Variants in HMCES observed in about 807,000 individuals in gnomAD.
The protein encoded by HMCES is abasic site processing protein HMCES.
HMCES carries 27 observed loss-of-function variants against 35.1 expected under a neutral mutation model. The ratio of observed to expected loss-of-function variants is 0.77; its 90% confidence interval spans 0.57 to 1.06. The LOEUF is 1.06. Ranked by LOEUF, HMCES falls within the 50% of genes least tolerant of loss-of-function variation. HMCES has a pLI of 0.00. For synonymous variants in HMCES, 130 were observed against 154.7 expected (o/e 0.84, Z 1.18); for missense variants, 391 against 430.4 (o/e 0.91, Z 0.81).
At position 129,304,961 on chromosome 3, in the gene HMCES, T is replaced by A. The variant is rs2071217616; in HGVS notation, c.*136T>A. The A allele has an allele frequency of 1.4e-6, 1 of 707,026 alleles. No homozygotes were observed. Among genetic ancestry groups the A allele is most frequent in the South Asian group, 1.8e-5 (1 of 54,200 alleles). The allele number at this position is 707,026 out of a possible 1,614,324, so 43.8% of individuals were successfully genotyped here. On this transcript the variant is annotated 3_prime_UTR_variant, in exon 7 of 7. Coordinates refer to ENST00000383463, the MANE Select transcript of HMCES (RefSeq NM_020187.3). ...AGTTGACAGTTGTGGGCTCATGTAG[T>A]CTTTTTTGCCATGAGTAGGAGCCCC...
At chr3:129,301,182 ACT>A (rs1256169170) in intron 5 of HMCES, among the ~76,000 whole-genome samples, 3 of 126,638 alleles carry the variant, frequency 2.4e-5, no homozygotes, top group Admixed American at 1.8e-4. Flanking sequence ...ACACAGCAAG[ACT>A]CTGTCTCAAA....
chr3:129,295,621 T>G (rs1339839493), intron 4 of HMCES, among the ~76,000 whole-genome samples: 1 of 152,152 alleles, frequency 6.6e-6, no homozygotes, highest in East Asian at 1.9e-4. Context: ...GTCAGTGGTG[T>G]TTTGTTTTCT....
Position 129,302,133 on chromosome 3 carries a change from G to C in HMCES, c.819G>C (p.Val273=). 2 of 1,609,760 alleles carry C rather than the reference G, an allele frequency of 1.2e-6. No homozygotes were observed. The highest frequency in any genetic ancestry group is 1.7e-6 in the Non-Finnish European group (2 of 1,178,650). ...AGTGTCTGGCTCCTGTCGACTTGGT[G>C]GTCAAAAAGGTAGGGGCCTGTGACT... ...TPECLAPVDL[V]VKKELRASGS... The change falls in exon 6 of 7, where the codon GTG becomes GTC. Residue 273 remains valine (V), a synonymous_variant. Transcript: ENST00000383463.
chr3:129,302,674 G>A (rs1323460785), intron 6 of HMCES, among the ~76,000 whole-genome samples: 2 of 151,910 alleles, frequency 1.3e-5, no homozygotes, highest in Admixed American at 1.3e-4. Flanking sequence ...CCTAGATTGG[G>A]CCACTGCACT....
At chr3:129,299,870 C>T (rs1423351939) in intron 5 of HMCES, among the ~76,000 whole-genome samples, 1 of 151,722 alleles carries the variant, frequency 6.6e-6, no homozygotes, top group African/African-American at 2.4e-5. Flanking sequence ...ACCTTGTGAT[C>T]CACCTGCCTC....
intron 2 of HMCES, among the ~76,000 whole-genome samples, chr3:129,284,427 C>CT (rs1208221054): frequency 3.9e-5 from 6 of 152,158 alleles, no homozygotes; most frequent in Non-Finnish European, 8.8e-5. Context: ...AATTAGATGT[C>CT]TTTAAACAGA....
Position 129,302,057 on chromosome 3 carries a change from C to T in HMCES, c.743C>T (p.Thr248Ile). The stretch of plus-strand genomic sequence containing the variant: ...TTAATCCACCCAACAGAGAACATCA[C>T]CTTCCATGCAGTCTCTTCTGTGGTG... ...LKLIHPTENI[T>I]FHAVSSVVNN... Residue 248 changes from threonine to isoleucine, a missense_variant, in exon 6 of 7, where the codon ACC becomes ATC. Coordinates refer to ENST00000383463, the MANE Select transcript of HMCES (RefSeq NM_020187.3). The T allele has an allele frequency of 6.2e-7, 1 of 1,614,190 alleles. No individual in the cohort carries two copies. Among genetic ancestry groups the T allele is most frequent in the Non-Finnish European group, 8.5e-7 (1 of 1,180,010 alleles).
chr3:129,284,694 C>G (rs144805348), intron 2 of HMCES, among the ~76,000 whole-genome samples: 59 of 152,314 alleles, frequency 3.9e-4, no homozygotes, highest in East Asian at 2.9e-3. Context: ...AGGCGGATCA[C>G]TTGAGGTCAG....
intron 2 of HMCES, among the ~76,000 whole-genome samples, chr3:129,282,523 C>T (rs1348188797): frequency 6.6e-6 from 1 of 152,168 alleles, no homozygotes; most frequent in Non-Finnish European, 1.5e-5. Flanking sequence ...GGTGGAGCCA[C>T]TAGCAAATAC....
chr3:129,284,908 T>G (rs954239275), intron 2 of HMCES, among the ~76,000 whole-genome samples: 9 of 152,192 alleles, frequency 5.9e-5, no homozygotes, highest in African/African-American at 2.2e-4. Flanking sequence ...CGAGACTCCA[T>G]CTCAAGAAAA....
rs1347273197 is a variant in HMCES, at chr3:129,300,811, A to G, written c.636-1139A>G. On this transcript the variant is annotated intron_variant, in intron 5 of 6. Coordinates refer to ENST00000383463, the MANE Select transcript of HMCES (RefSeq NM_020187.3). ...TTTGGGAGGCTGAGGCGGGTGGATC[A>G]TGAGGTCAGGAGATCGAGACCATCC... 6.6e-5 allele frequency among the ~76,000 whole-genome samples: 10 copies of G among 152,038 alleles called. 1 individual carries two copies. Among genetic ancestry groups the G allele is most frequent in the Non-Finnish European group, 1.0e-4 (7 of 67,994 alleles).
intron 5 of HMCES, among the ~76,000 whole-genome samples, chr3:129,301,116 CG>C (rs1218497091): frequency 7.1e-6 from 1 of 140,682 alleles, no homozygotes; most frequent in Admixed American, 7.8e-5. Context: ...GGCATGAACC[CG>C]GGGGGTGGAG....
chr3:129,285,456 T>C (rs1940609272), intron 2 of HMCES, among the ~76,000 whole-genome samples: 1 of 142,960 alleles, frequency 7.0e-6, no homozygotes, highest in Non-Finnish European at 1.5e-5. Flanking sequence ...AGAGAAAGGA[T>C]TTTTTTTTTT....
At chr3:129,297,255 C>T (rs2071104561) in intron 4 of HMCES, among the ~76,000 whole-genome samples, 2 of 151,962 alleles carry the variant, frequency 1.3e-5, no homozygotes, top group South Asian at 2.1e-4. Context: ...GTCGGCTAAA[C>T]GGGTGGAGGC....
In HMCES at chr3:129,306,185, A is replaced by C. The variant is rs928311814; in HGVS notation, c.*1360A>C. The C allele has an allele frequency of 6.6e-6, 1 of 152,258 alleles. No homozygotes were observed. Among genetic ancestry groups the C allele is most frequent in the African/African-American group, 2.4e-5 (1 of 41,472 alleles). 9.4% of individuals were successfully genotyped at this position (152,258 alleles called of 1,614,324 possible). On this transcript the variant is annotated 3_prime_UTR_variant, in exon 7 of 7. Coordinates refer to ENST00000383463, the MANE Select transcript of HMCES (RefSeq NM_020187.3). The stretch of plus-strand genomic sequence containing the variant: ...CCAGGTTAATAAATGACAAAAATGA[A>C]ATTCCCTTTGTTTTTCATTATCATC...
intron 5 of HMCES, 42 bp downstream of exon 5, chr3:129,298,577 A>G (rs1454885791): frequency 1.3e-6 from 2 of 1,557,118 alleles, no homozygotes; most frequent in East Asian, 2.3e-5. Context: ...AGGATCCAAA[A>G]GATGATTTGT....
chr3:129,298,390 T>C lies in HMCES; in HGVS notation c.490T>C (p.Trp164Arg), dbSNP rs372493925. 3.3e-5 allele frequency: 53 copies of C among 1,614,186 alleles called. No homozygotes were observed. In the African/African-American group the frequency reaches 6.4e-4, roughly 19 times the overall value. Residue 164 changes from tryptophan to arginine, a missense_variant, in exon 5 of 7, where the codon TGG becomes CGG. Coordinates refer to ENST00000383463, the MANE Select transcript of HMCES (RefSeq NM_020187.3). Reference sequence around the variant, plus strand: ...TGGTGCTGCAGATAGTCCTGAGAACTGGGAGAAAGTCTGGGACAACTGGAG... The same window carrying C: ...TGGTGCTGCAGATAGTCCTGAGAACCGGGAGAAAGTCTGGGACAACTGGAG... ...SIGAADSPEN[W>R]EKVWDNWRLL...
chr3:129,296,884 G>A (rs879701815), intron 4 of HMCES, among the ~76,000 whole-genome samples: 2 of 152,044 alleles, frequency 1.3e-5, no homozygotes, highest in African/African-American at 2.4e-5. Context: ...GACTACAGGC[G>A]CCCGTCACCA....
intron 5 of HMCES, among the ~76,000 whole-genome samples, chr3:129,300,235 TAAA>T (rs1010711331): frequency 6.6e-6 from 1 of 151,258 alleles, no homozygotes; most frequent in African/African-American, 2.4e-5. Flanking sequence ...CACAATTTTG[TAAA>T]ATAGTATGCA....
Sources: allele counts gnomAD v4.1 joint callset (sites outside exome capture counted in the v4.1 genomes callset), GRCh38; gene constraint gnomAD v4.1.1; transcripts MANE v1.5; gene names NCBI Gene and HGNC (gene_info 2026-07-23, HGNC 2026-07-21).